The following KANK1 variants were observed in gnomAD, a reference collection of about 807,000 sequenced individuals.
The protein encoded by KANK1 is KN motif and ankyrin repeat domain-containing protein 1.
A neutral mutation model predicts 106.2 loss-of-function variants in KANK1; 109 were observed. That is an observed-to-expected ratio of 1.03 (90% CI 0.88 to 1.20). KANK1 has a LOEUF of 1.20. Among genes scored for constraint, KANK1 ranks in the 50% most tolerant of loss-of-function variants. The pLI, the probability that KANK1 is intolerant of heterozygous loss-of-function variation, is 0.00. For missense variants in KANK1, 2,399 were observed against 1,710.7 expected, an observed-to-expected ratio of 1.40 and a Z score of -7.10; for synonymous variants, 873 against 652.2, an observed-to-expected ratio of 1.34 and a Z score of -5.16.
intron 1 of KANK1, among the ~76,000 whole-genome samples, chr9:622,178 T>C (rs1425448100): frequency 6.6e-6 from 1 of 152,176 alleles, no homozygotes; most frequent in Non-Finnish European, 1.5e-5. Context: ...CTGAAACCTG[T>C]TTAAATTTAT....
chr9:602,344 C>A (rs1827966212), intron 1 of KANK1, among the ~76,000 whole-genome samples: 1 of 151,802 alleles, frequency 6.6e-6, no homozygotes, highest in Non-Finnish European at 1.5e-5. Context: ...ACTGCAACCT[C>A]CCGCTCCTGG....
chr9:577,300 C>T (rs1820830438), intron 1 of KANK1, among the ~76,000 whole-genome samples: 1 of 152,142 alleles, frequency 6.6e-6, no homozygotes, highest in African/African-American at 2.4e-5. Flanking sequence ...CTGATTGATC[C>T]ATTTTACAGA....
chr9:599,547 G>A (rs1232131308), intron 1 of KANK1, among the ~76,000 whole-genome samples: 3 of 151,726 alleles, frequency 2.0e-5, no homozygotes, highest in Non-Finnish European at 4.4e-5. Context: ...ATTATAGATT[G>A]TGTCTTTCTC....
chr9:613,307 T>C (rs1179653414), intron 1 of KANK1, among the ~76,000 whole-genome samples: 1 of 150,334 alleles, frequency 6.7e-6, no homozygotes, highest in Non-Finnish European at 1.5e-5. Flanking sequence ...GCACACTAGA[T>C]AGCAAGTACA....
chr9:726,931 G>A (rs1005911610), intron 3 of KANK1, among the ~76,000 whole-genome samples: 4 of 152,220 alleles, frequency 2.6e-5, no homozygotes, highest in African/African-American at 4.8e-5. Context: ...CTGCACTCCA[G>A]CCTGGGCAAC....
chr9:494,582 T>A (rs1255997833), intron 3 of KANK1, among the ~76,000 whole-genome samples: 1 of 152,112 alleles, frequency 6.6e-6, no homozygotes, highest in East Asian at 1.9e-4. Flanking sequence ...ACTTTCTCTC[T>A]CTCCCCACTT....
intron 1 of KANK1, among the ~76,000 whole-genome samples, chr9:538,090 A>G (rs2060398742): frequency 1.3e-5 from 2 of 151,698 alleles, no homozygotes; most frequent in African/African-American, 4.8e-5. Flanking sequence ...TGAAAAGCAG[A>G]TGGTAGAGCT....
chr9:684,336 G>A (rs1445226977), intron 2 of KANK1: 2 of 985,356 alleles, frequency 2.0e-6, no homozygotes, highest in South Asian at 4.7e-5. Flanking sequence ...CCTGGGTACT[G>A]GGCAAAGAAA....
chr9:736,207 C>A (rs1833768355), intron 7 of KANK1, among the ~76,000 whole-genome samples: 1 of 152,188 alleles, frequency 6.6e-6, no homozygotes, highest in Non-Finnish European at 1.5e-5. Flanking sequence ...GTCCGCCCAT[C>A]TTGGCCTCCC....
At chr9:699,655 G>C (rs1193299369) in intron 2 of KANK1, among the ~76,000 whole-genome samples, 1 of 152,150 alleles carries the variant, frequency 6.6e-6, no homozygotes, top group East Asian at 1.9e-4. Flanking sequence ...CTGTAAAATT[G>C]CAGTTATGCT....
At chr9:497,752 C>T (rs1016604731) in intron 3 of KANK1, among the ~76,000 whole-genome samples, 28 of 151,842 alleles carry the variant, frequency 1.8e-4, no homozygotes, top group Non-Finnish European at 1.8e-4. Context: ...ACTTGGGAAG[C>T]GGAGGTAGGA....
intron 1 of KANK1, chr9:539,710 C>G (rs1299575205): frequency 7.7e-6 from 1 of 129,662 alleles, no homozygotes; most frequent in Non-Finnish European, 1.5e-5. Context: ...TGGTCTTGAA[C>G]TCCTGGACTC....
At chr9:588,569 G>A (rs531912094) in intron 1 of KANK1, among the ~76,000 whole-genome samples, 1 of 151,742 alleles carries the variant, frequency 6.6e-6, no homozygotes, top group Non-Finnish European at 1.5e-5. Context: ...AGCAACATTG[G>A]TAGTTAGCAA....
intron 1 of KANK1, among the ~76,000 whole-genome samples, chr9:620,703 A>C (rs1268710259): frequency 6.6e-6 from 1 of 152,118 alleles, no homozygotes; most frequent in African/African-American, 2.4e-5. Flanking sequence ...ACTTTTAAAA[A>C]TTAAAAAAAT....
In KANK1 at chr9:643,950, G is replaced by A. The variant is rs760391901; in HGVS notation, c.-83-32940G>A. Reference sequence around the variant, plus strand: ...ACTCCTGACTTCAGTTGAGGCACCCGCCTTGGCCTCCCAAAGTGCTGGGAT... The same window carrying A: ...ACTCCTGACTTCAGTTGAGGCACCCACCTTGGCCTCCCAAAGTGCTGGGAT... On this transcript the variant is annotated intron_variant, in intron 1 of 11. Transcript: ENST00000382297. Among the ~76,000 whole-genome samples the A allele has an allele frequency of 2.1e-4, 31 of 150,872 alleles. 2 individuals are homozygous for A. Among genetic ancestry groups the A allele is most frequent in the African/African-American group, 7.2e-4 (29 of 40,220 alleles).
intron 1 of KANK1, among the ~76,000 whole-genome samples, chr9:652,477 C>T (rs1368238860): frequency 2.0e-5 from 3 of 152,228 alleles, no homozygotes; most frequent in Admixed American, 6.5e-5. Context: ...GAGCCGAGAT[C>T]GTGCCATTGC....
At chr9:686,427 C>T (rs1818577828) in intron 2 of KANK1, among the ~76,000 whole-genome samples, 1 of 152,246 alleles carries the variant, frequency 6.6e-6, no homozygotes, top group East Asian at 1.9e-4. Flanking sequence ...CAGCATGTAC[C>T]CCAACCGGTG....
chr9:713,500 G>C (rs758555266), intron 3 of KANK1, 36 bp downstream of exon 3: 13 of 1,515,768 alleles, frequency 8.6e-6, no homozygotes, highest in Non-Finnish European at 1.1e-5. Context: ...AATGAGGAAG[G>C]ATGGGGGAAA....
At position 525,321 on chromosome 9, in the gene KANK1, C is replaced by T. The variant is rs544134363; in HGVS notation, c.-84+20567C>T. 7.8e-4 allele frequency among the ~76,000 whole-genome samples: 117 copies of T among 150,306 alleles called. 3 individuals are homozygous for T. The highest frequency in any genetic ancestry group is 2.8e-3 in the African/African-American group (114 of 40,238). ...ACTCTTGCTTCTTAAACCCAAGGAC[C>T]CTGATTTCTGACAGAATATGTATAC... is the stretch of plus-strand genomic sequence containing the variant. On this transcript the variant is annotated intron_variant, in intron 1 of 11. Coordinates refer to ENST00000382297, the MANE Select transcript of KANK1 (RefSeq NM_015158.5).
Sources: allele counts gnomAD v4.1 joint callset (sites outside exome capture counted in the v4.1 genomes callset), GRCh38; gene constraint gnomAD v4.1.1; transcripts MANE v1.5; gene names NCBI Gene and HGNC (gene_info 2026-07-23, HGNC 2026-07-21).